The following STAT3 variants were observed in gnomAD, a reference collection of about 807,000 sequenced individuals.
STAT3 encodes the protein signal transducer and activator of transcription 3, also known as DNA-binding protein APRF.
In STAT3, 7 loss-of-function variants were observed where a neutral mutation model predicts 114.3. The observed-to-expected ratio is 0.06, with a 90% CI of 0.03 to 0.11. The LOEUF is 0.11. Among genes scored for constraint, STAT3 ranks in the 10% least tolerant of loss-of-function variants. The pLI, the probability that STAT3 is intolerant of heterozygous loss-of-function variation, is 1.00. For synonymous variants in STAT3, 331 were observed against 354.5 expected (o/e 0.93, Z 0.74); for missense variants, 364 against 960.9 (o/e 0.38, Z 8.21).
rs548367873 is a variant in STAT3, at chr17:42,324,302, G to A, written c.1600+409C>T. Among the ~76,000 whole-genome samples, 2 of 151,898 alleles carry A rather than the reference G, an allele frequency of 1.3e-5. No individual in the cohort carries two copies. The highest frequency in any genetic ancestry group is 6.6e-5 in the Admixed American group (1 of 15,222). On this transcript the variant is annotated intron_variant, in intron 17 of 23. Coordinates refer to ENST00000264657, the MANE Select transcript of STAT3 (RefSeq NM_139276.3). The surrounding 1 kb of genome is among the most constrained non-coding windows in gnomAD (Gnocchi z 4.5). ...CTACTGCACTCCAGCCTGGGCAACA[G>A]AGCAAGACTCGTCTCAAAAAAATAA...
intron 4 of STAT3, among the ~76,000 whole-genome samples, chr17:42,340,577 G>C (rs2082405272): frequency 1.3e-5 from 2 of 152,106 alleles, no homozygotes; most frequent in South Asian, 4.2e-4. Context: ...AGCTACTTGG[G>C]AGGCTGAGGT....
At chr17:42,368,675 G>A (rs2083935922) in intron 1 of STAT3, among the ~76,000 whole-genome samples, 1 of 150,616 alleles carries the variant, frequency 6.6e-6, no homozygotes, top group East Asian at 1.9e-4. Context: ...AGCCAAGCTG[G>A]TCTCGAATTC....
Position 42,324,928 on chromosome 17 carries a change from T to C in STAT3, c.1464+35A>G. ...CTAGGTACCCCTAAGTCGCAAGAGA[T>C]CCCGGGGCACCAACTAAAAGGAGGG... On this transcript the variant is annotated intron_variant, in intron 16 of 23. Coordinates refer to ENST00000264657, the MANE Select transcript of STAT3 (RefSeq NM_139276.3). This position sits in a 1 kb window ranked among gnomAD's most constrained non-coding sequence, Gnocchi z 4.5. 6.2e-7 allele frequency: 1 copy of C among 1,614,060 alleles called. No homozygotes were observed. Among genetic ancestry groups the C allele is most frequent in the Non-Finnish European group, 8.5e-7 (1 of 1,179,998 alleles).
At chr17:42,388,087 G>A (rs973319391) in intron 1 of STAT3, 192 bp downstream of exon 1, 6 of 647,344 alleles carry the variant, frequency 9.3e-6, no homozygotes, top group Non-Finnish European at 1.3e-5. Flanking sequence ...CCAGCGCCCC[G>A]AGTCCCTTCC....
At chr17:42,336,575 G>T (rs1433687245) in intron 8 of STAT3, among the ~76,000 whole-genome samples, 1 of 151,774 alleles carries the variant, frequency 6.6e-6, no homozygotes, top group East Asian at 1.9e-4. Context: ...TCTAGACTGG[G>T]TAACACAGTG....
chr17:42,330,512 T>A (rs1237908892), intron 11 of STAT3, among the ~76,000 whole-genome samples: 2 of 149,716 alleles, frequency 1.3e-5, no homozygotes, highest in Admixed American at 6.7e-5. Flanking sequence ...CACTGCAAAC[T>A]CCACCTCCCA....
rs754306251 is a variant in STAT3, at chr17:42,314,851, C to CTTT, written c.*891_*893dup. The CTTT allele has an allele frequency of 1.8e-4, 25 of 140,422 alleles. No homozygotes were observed. The highest frequency in any genetic ancestry group is 5.1e-4 in the South Asian group (2 of 3,916). 8.7% of individuals were successfully genotyped at this position (140,422 alleles called of 1,614,324 possible). A position where few individuals can be genotyped will look rare whatever the true frequency, so the allele number is the denominator to read the frequency against. On this transcript the variant is annotated 3_prime_UTR_variant, in exon 24 of 24. Transcript: ENST00000264657. ...CCAAGGAGGCTGTTAACTGAAGTTT[C>CTTT]TTTTTTTTTTTTTTTTTTTTGAGAC... is the stretch of plus-strand genomic sequence containing the variant.
rs2144681914 is a variant in STAT3 at position 42,322,424 on chromosome 17, G to A, written c.1959C>T (p.Ile653=). 1 of 1,614,228 alleles carries A rather than the reference G, an allele frequency of 6.2e-7. No individual in the cohort carries two copies. Among genetic ancestry groups the A allele is most frequent in the Non-Finnish European group, 8.5e-7 (1 of 1,180,040 alleles). The change falls in exon 21 of 24, where the codon ATC becomes ATT. Residue 653 remains isoleucine (I), a synonymous_variant. Coordinates refer to ENST00000264657, the MANE Select transcript of STAT3 (RefSeq NM_139276.3). ...QQLNNMSFAE[I]IMGYKIMDAT... is the part of the protein sequence containing the mutation. ...CATCCATGATCTTATAGCCCATGATGATTTCAGCAAATGACATGTTGTTCA... is the reference window on the plus strand; with the variant it reads ...CATCCATGATCTTATAGCCCATGATAATTTCAGCAAATGACATGTTGTTCA...
chr17:42,316,153 C>G (rs1444787694), intron 23 of STAT3: 1 of 1,103,866 alleles, frequency 9.1e-7, no homozygotes, highest in Admixed American at 4.1e-5. Flanking sequence ...CTGAGCTGTG[C>G]TGTGGCTGTC....
At chr17:42,373,802 A>G (rs1368388124) in intron 1 of STAT3, among the ~76,000 whole-genome samples, 1 of 149,956 alleles carries the variant, frequency 6.7e-6, no homozygotes, top group African/African-American at 2.5e-5. Context: ...GGAGAATGGC[A>G]TGAACCTGGG....
chr17:42,346,739 A>G, intron 2 of STAT3, 26 bp from the exon 3 acceptor site: 1 of 1,614,102 alleles, frequency 6.2e-7, no homozygotes, highest in Non-Finnish European at 8.5e-7. Flanking sequence ...ATGATAAAGA[A>G]TGGCTCTGAA....
At chr17:42,378,169 T>G (rs949910412) in intron 1 of STAT3, among the ~76,000 whole-genome samples, 1 of 151,510 alleles carries the variant, frequency 6.6e-6, no homozygotes, top group South Asian at 2.1e-4. Context: ...CTTAATCAGT[T>G]GATTATTTCT....
At chr17:42,363,615 CTTTTT>C (rs78016340) in intron 1 of STAT3, among the ~76,000 whole-genome samples, 1 of 136,098 alleles carries the variant, frequency 7.3e-6, no homozygotes, top group Admixed American at 7.4e-5. Flanking sequence ...GGATAATTTT[CTTTTT>C]TTTTTTTTTT....
chr17:42,317,604 A>C, intron 21 of STAT3: 1 of 312,622 alleles, frequency 3.2e-6, no homozygotes, highest in South Asian at 3.5e-5. Context: ...CTCTTAGATA[A>C]CTTCTCTGCA....
chr17:42,388,280 TG>T lies in STAT3; in HGVS notation c.-26del. On this transcript the variant is annotated splice_region_variant and 5_prime_UTR_variant, in exon 1 of 24. Transcript: ENST00000264657. Reference sequence around the variant, plus strand: ...GGCCCCACCCTGCACCCCCTTCACCTGTTTCTCCGGCAGAGGCCGAGAGGCC... The same window carrying T: ...GGCCCCACCCTGCACCCCCTTCACCTTTTCTCCGGCAGAGGCCGAGAGGCC... The T allele has an allele frequency of 8.1e-7, 1 of 1,231,548 alleles. No individual in the cohort carries two copies. The highest frequency in any genetic ancestry group is 1.0e-6 in the Non-Finnish European group (1 of 987,908). The allele number at this position is 1,231,548 out of a possible 1,614,324, so 76.3% of individuals were successfully genotyped here.
intron 1 of STAT3, among the ~76,000 whole-genome samples, chr17:42,380,794 C>A (rs1006330916): frequency 1.3e-5 from 2 of 152,136 alleles, no homozygotes; most frequent in African/African-American, 4.8e-5. Flanking sequence ...ACACCTGTAG[C>A]CCCAGCTACC....
rs2145205505 is a variant in STAT3 at position 42,366,102 on chromosome 17, C to T, written c.-23-17563G>A. Among the ~76,000 whole-genome samples the T allele has an allele frequency of 1.3e-5, 2 of 152,254 alleles. 1 individual carries two copies. Among genetic ancestry groups the T allele is most frequent in the South Asian group, 4.1e-4 (2 of 4,826 alleles). On this transcript the variant is annotated intron_variant, in intron 1 of 23. Transcript: ENST00000264657. Reference sequence around the variant, plus strand: ...CATCCGCTAATATGAACATCAGACACTTATAGCCAACTGCCTCTTCAATAT... The same window carrying T: ...CATCCGCTAATATGAACATCAGACATTTATAGCCAACTGCCTCTTCAATAT...
intron 1 of STAT3, among the ~76,000 whole-genome samples, chr17:42,367,339 CAA>C (rs770105081): frequency 6.7e-5 from 8 of 119,566 alleles, no homozygotes; most frequent in Admixed American, 8.7e-5. Context: ...ATTTTGTCTC[CAA>C]AAAAAAAAAA....
At chr17:42,366,557 G>A (rs959587683) in intron 1 of STAT3, among the ~76,000 whole-genome samples, 3 of 151,464 alleles carry the variant, frequency 2.0e-5, no homozygotes, top group Admixed American at 6.6e-5. Flanking sequence ...TGTGATCCCA[G>A]CTACTTGGGA....
Sources: allele counts gnomAD v4.1 joint callset (sites outside exome capture counted in the v4.1 genomes callset), GRCh38; gene constraint gnomAD v4.1.1; non-coding constraint Gnocchi (gnomAD v3.1); transcripts MANE v1.5; gene names NCBI Gene and HGNC (gene_info 2026-07-23, HGNC 2026-07-21).